CCDC171: variants seen among roughly 807,000 people sequenced by gnomAD.
The protein encoded by CCDC171 is coiled-coil domain containing 171, also known as coiled-coil domain-containing protein 171.
Under a neutral mutation model 168.2 loss-of-function variants are expected in CCDC171, and 177 were observed. The ratio of observed to expected loss-of-function variants is 1.05; its 90% CI spans 0.93 to 1.19. The LOEUF is 1.19. Ranked by LOEUF, CCDC171 falls within the 50% of genes most tolerant of loss-of-function variation. The pLI is 0.00. For synonymous variants in CCDC171, 687 were observed against 540.8 expected, an observed-to-expected ratio of 1.27 and a Z score of -3.75; for missense variants, 1,991 against 1,539.0, an observed-to-expected ratio of 1.29 and a Z score of -4.91.
chr9:15,957,930 G>A (rs768577498), intron 25 of CCDC171, among the ~76,000 whole-genome samples: 18 of 152,056 alleles, frequency 1.2e-4, no homozygotes, highest in East Asian at 1.9e-4. Context: ...AGAAAGGAAC[G>A]GTAAGTTCCC....
chr9:15,676,088 C>T (rs1336051575), intron 9 of CCDC171, among the ~76,000 whole-genome samples: 1 of 151,976 alleles, frequency 6.6e-6, no homozygotes, highest in African/African-American at 2.4e-5. Context: ...CTCTTTTTTT[C>T]TCTAATCATG....
intron 8 of CCDC171, among the ~76,000 whole-genome samples, chr9:16,036,678 A>G (rs1275791712): frequency 6.6e-6 from 1 of 152,190 alleles, no homozygotes; most frequent in African/African-American, 2.4e-5. Flanking sequence ...AAATTTACCT[A>G]TCTTAACTAG....
At chr9:15,996,219 A>T (rs932488535) in intron 3 of CCDC171, among the ~76,000 whole-genome samples, 2 of 152,156 alleles carry the variant, frequency 1.3e-5, no homozygotes, top group Non-Finnish European at 1.5e-5. Flanking sequence ...TTTACACCAC[A>T]GAGCAGAGAA....
chr9:15,904,711 A>G (rs1049206629), intron 24 of CCDC171, among the ~76,000 whole-genome samples: 3 of 152,142 alleles, frequency 2.0e-5, no homozygotes, highest in African/African-American at 7.2e-5. Flanking sequence ...GCTCCAATTA[A>G]AAGACACAGA....
At chr9:15,768,914 T>G (rs1159983562) in intron 18 of CCDC171, among the ~76,000 whole-genome samples, 2 of 152,194 alleles carry the variant, frequency 1.3e-5, no homozygotes, top group Non-Finnish European at 2.9e-5. Context: ...TTGCATGAAT[T>G]AACACTTTAG....
chr9:15,860,320 G>T (rs1477745262), intron 23 of CCDC171, among the ~76,000 whole-genome samples: 1 of 150,434 alleles, frequency 6.6e-6, no homozygotes, highest in East Asian at 2.0e-4. Flanking sequence ...GGTTTAGTTT[G>T]TTCTTCTTCT....
intron 3 of CCDC171, among the ~76,000 whole-genome samples, chr9:15,990,718 G>C (rs1432923585): frequency 6.6e-6 from 1 of 152,164 alleles, no homozygotes; most frequent in East Asian, 1.9e-4. Flanking sequence ...TCAAAATAAA[G>C]GGATGGAGGA....
Position 15,765,204 on chromosome 9 carries a change from A to T in CCDC171, c.2672-12396A>T, listed in dbSNP as rs571113256. On this transcript the variant is annotated intron_variant, in intron 18 of 25. Coordinates refer to ENST00000380701, the MANE Select transcript of CCDC171 (RefSeq NM_173550.4). Reference sequence around the variant, plus strand: ...GACAAAGTCCGACTGCAGTCTGTTAAAGAGAAAGTGAGTTCTGTTAAAGAC... The same window carrying T: ...GACAAAGTCCGACTGCAGTCTGTTATAGAGAAAGTGAGTTCTGTTAAAGAC... 3.3e-5 allele frequency among the ~76,000 whole-genome samples: 5 copies of T among 152,276 alleles called. No individual in the cohort carries two copies. The East Asian group carries it at 9.7e-4, about 29-fold the overall frequency.
rs2131811832 is a variant in CCDC171, at chr9:15,609,235, G to A, written c.676-14032G>A. Among the ~76,000 whole-genome samples, 4 of 151,928 alleles carry A rather than the reference G, an allele frequency of 2.6e-5. No individual in the cohort carries two copies. The South Asian group carries it at 8.3e-4, about 32-fold the overall frequency. ...CTGCCTCAGCCTCCCGAGTAGCTGG[G>A]ATTACAGGTGCCTGCCACCATGCCC... On this transcript the variant is annotated intron_variant, in intron 6 of 25. Transcript: ENST00000380701.
chr9:15,822,407 T>C (rs1312696876), intron 21 of CCDC171, among the ~76,000 whole-genome samples: 1 of 151,342 alleles, frequency 6.6e-6, no homozygotes, highest in Non-Finnish European at 1.5e-5. Context: ...ACCTACAGAA[T>C]GGGAGAAAAT....
chr9:16,043,729 A>G (rs1196696089), intron 1 of CCDC171, among the ~76,000 whole-genome samples: 1 of 152,200 alleles, frequency 6.6e-6, no homozygotes, highest in African/African-American at 2.4e-5. Context: ...ACCTTTTCCT[A>G]CAATAGTGCT....
chr9:15,696,068 C>A (rs1303066311), intron 11 of CCDC171, among the ~76,000 whole-genome samples: 1 of 152,190 alleles, frequency 6.6e-6, no homozygotes, highest in Non-Finnish European at 1.5e-5. Context: ...GCCCTGCTTT[C>A]AGCCCTGAAT....
At chr9:15,689,744 T>C (rs2050655811) in intron 10 of CCDC171, among the ~76,000 whole-genome samples, 1 of 152,084 alleles carries the variant, frequency 6.6e-6, no homozygotes, top group African/African-American at 2.4e-5. Context: ...ATAGCCAAAA[T>C]AATCTTGAGA....
At position 15,579,840 on chromosome 9, in the gene CCDC171, A is replaced by T. The variant is rs1464856601; in HGVS notation, c.352+817A>T. Among the ~76,000 whole-genome samples, 3 of 152,140 alleles carry T rather than the reference A, an allele frequency of 2.0e-5. No individual in the cohort carries two copies. In the South Asian group the frequency reaches 6.2e-4, roughly 31 times the overall value. On this transcript the variant is annotated intron_variant, in intron 4 of 25. Coordinates refer to ENST00000380701, the MANE Select transcript of CCDC171 (RefSeq NM_173550.4). Reference sequence around the variant, plus strand: ...ATGTGTAGTATTGTGTAAACATTCCACACTTATATTTATCCATTTATTATT... The same window carrying T: ...ATGTGTAGTATTGTGTAAACATTCCTCACTTATATTTATCCATTTATTATT...
chr9:15,636,368 G>A (rs771870453), intron 7 of CCDC171, among the ~76,000 whole-genome samples: 4 of 152,006 alleles, frequency 2.6e-5, no homozygotes, highest in Non-Finnish European at 4.4e-5. Flanking sequence ...GTCTTGTGCT[G>A]AACATCTTTT....
At chr9:15,789,733 T>G (rs979632381) in intron 21 of CCDC171, among the ~76,000 whole-genome samples, 4 of 151,950 alleles carry the variant, frequency 2.6e-5, no homozygotes, top group African/African-American at 9.7e-5. Context: ...GTATATCTCC[T>G]AACGCTATAC....
intron 25 of CCDC171, among the ~76,000 whole-genome samples, chr9:15,932,620 G>T (rs1030584281): frequency 1.3e-5 from 2 of 151,742 alleles, no homozygotes; most frequent in Non-Finnish European, 2.9e-5. Context: ...TTGCATAATT[G>T]CTCTGGCTAG....
intron 2 of CCDC171, among the ~76,000 whole-genome samples, chr9:15,568,970 C>A (rs1186014268): frequency 6.6e-6 from 1 of 152,100 alleles, no homozygotes; most frequent in Non-Finnish European, 1.5e-5. Flanking sequence ...ACATCTTTGC[C>A]CATTCCTGTG....
intron 9 of CCDC171, among the ~76,000 whole-genome samples, chr9:15,670,731 G>A (rs2049051617): frequency 6.6e-6 from 1 of 151,834 alleles, no homozygotes; most frequent in South Asian, 2.1e-4. Flanking sequence ...TTTTTTTATA[G>A]CACATTTTAT....
Sources: gnomAD v4.1 joint callset for allele counts (sites outside exome capture counted in the v4.1 genomes callset) on GRCh38, gnomAD v4.1.1 for gene constraint, MANE v1.5 for transcripts, NCBI Gene and HGNC (gene_info 2026-07-23, HGNC 2026-07-21) for gene names.